Variants in LINGO2 observed in about 807,000 individuals in gnomAD.
LINGO2 encodes the protein leucine rich repeat and Ig domain containing 2.
LINGO2 carries 14 observed loss-of-function variants against 30.6 expected under a neutral mutation model. That is an observed-to-expected ratio of 0.46 (90% CI 0.30 to 0.72). LINGO2 has a LOEUF of 0.72. Ranked by LOEUF, LINGO2 falls within the 30% of genes least tolerant of loss-of-function variation. LINGO2 has a pLI of 0.07. For synonymous variants in LINGO2, 317 were observed against 288.5 expected (o/e 1.10, Z -1.00); for missense variants, 729 against 751.7 (o/e 0.97, Z 0.35).
At chr9:28,575,419 AC>A (rs1415606155) in intron 1 of LINGO2, among the ~76,000 whole-genome samples, 4 of 151,786 alleles carry the variant, frequency 2.6e-5, no homozygotes, top group Non-Finnish European at 2.9e-5. Context: ...AACAAAAAAA[AC>A]AAAAAACAAC....
intron 4 of LINGO2, among the ~76,000 whole-genome samples, chr9:28,061,579 GAAAT>G (rs1825146271): frequency 6.6e-6 from 1 of 151,840 alleles, no homozygotes. Flanking sequence ...AAAAGTAAAT[GAAAT>G]AAAAGGAAAA....
the LINGO2 span, among the ~76,000 whole-genome samples, chr9:28,739,404 C>T: frequency 6.6e-6 from 1 of 151,704 alleles, no homozygotes; most frequent in Non-Finnish European, 1.5e-5. Context: ...AGCCAAAAAG[C>T]TATTTGGAAT....
At chr9:28,290,127 G>C (rs1823666099) in intron 4 of LINGO2, among the ~76,000 whole-genome samples, 1 of 152,140 alleles carries the variant, frequency 6.6e-6, no homozygotes, top group African/African-American at 2.4e-5. Flanking sequence ...CCAAAGCTGA[G>C]AGAAGTTAAG....
At chr9:28,849,844 T>C in the LINGO2 span, among the ~76,000 whole-genome samples, 101 of 152,174 alleles carry the variant, frequency 6.6e-4, no homozygotes, top group African/African-American at 2.3e-3. Flanking sequence ...TGGCCTTTTA[T>C]GTTCCCAGAG....
intron 1 of LINGO2, among the ~76,000 whole-genome samples, chr9:28,563,321 C>T (rs1409271971): frequency 6.6e-6 from 1 of 152,054 alleles, no homozygotes; most frequent in Non-Finnish European, 1.5e-5. Context: ...AAATTAAAAT[C>T]GGGTACTTAC....
At chr9:28,842,395 G>T in the LINGO2 span, among the ~76,000 whole-genome samples, 2 of 151,852 alleles carry the variant, frequency 1.3e-5, no homozygotes, top group African/African-American at 2.4e-5. Flanking sequence ...GTGCAACAAG[G>T]TTTCTTCATT....
At chr9:28,651,674 T>A (rs1048049681) in intron 1 of LINGO2, among the ~76,000 whole-genome samples, 1 of 151,274 alleles carries the variant, frequency 6.6e-6, no homozygotes, top group Non-Finnish European at 1.5e-5. Context: ...ACTTGTTATT[T>A]AAAAAAAAAC....
intron 2 of LINGO2, among the ~76,000 whole-genome samples, chr9:28,447,744 T>G (rs1005662265): frequency 1.5e-4 from 23 of 152,206 alleles, no homozygotes; most frequent in African/African-American, 4.8e-4. Flanking sequence ...GAGAACTATA[T>G]ATGTTGTCAA....
At chr9:28,689,362 A>G in the LINGO2 span, among the ~76,000 whole-genome samples, 3 of 152,164 alleles carry the variant, frequency 2.0e-5, no homozygotes, top group African/African-American at 7.2e-5. Flanking sequence ...GCCTCCAGGT[A>G]AAAAACAAAC....
intron 2 of LINGO2, among the ~76,000 whole-genome samples, chr9:28,465,576 C>A (rs533769606): frequency 9.9e-5 from 15 of 152,126 alleles, no homozygotes; most frequent in African/African-American, 3.6e-4. Context: ...GGGACTCCGC[C>A]CTCTTTTACC....
chr9:29,049,650 C>T, the LINGO2 span, among the ~76,000 whole-genome samples: 26 of 152,240 alleles, frequency 1.7e-4, 1 homozygote, highest in Admixed American at 1.6e-3. Context: ...TTTGCAACAA[C>T]ATGGATGGAA....
At chr9:28,357,571 T>A (rs2044916636) in intron 3 of LINGO2, among the ~76,000 whole-genome samples, 1 of 152,106 alleles carries the variant, frequency 6.6e-6, no homozygotes, top group Admixed American at 6.6e-5. Context: ...AACCATATAG[T>A]ATAAGCAAGA....
At chr9:29,170,998 A>G in the LINGO2 span, among the ~76,000 whole-genome samples, 1 of 152,070 alleles carries the variant, frequency 6.6e-6, no homozygotes, top group Non-Finnish European at 1.5e-5. Flanking sequence ...AATGTTAATA[A>G]TCCTTTTCTT....
intron 1 of LINGO2, among the ~76,000 whole-genome samples, chr9:28,482,929 G>A (rs576117052): frequency 3.3e-5 from 5 of 152,112 alleles, no homozygotes; most frequent in East Asian, 1.9e-4. Flanking sequence ...CAGGACATAC[G>A]CATAGACACA....
chr9:29,000,841 A>G, the LINGO2 span, among the ~76,000 whole-genome samples: 8 of 151,984 alleles, frequency 5.3e-5, no homozygotes, highest in Non-Finnish European at 1.0e-4. Context: ...AGGAATATTC[A>G]CAGGAGGACA....
the LINGO2 span, among the ~76,000 whole-genome samples, chr9:29,207,106 G>T: frequency 2.6e-5 from 4 of 151,054 alleles, no homozygotes; most frequent in African/African-American, 9.7e-5. Flanking sequence ...CCCTATGTAT[G>T]CATATGCTGT....
chr9:29,123,871 C>T, the LINGO2 span, among the ~76,000 whole-genome samples: 1 of 152,024 alleles, frequency 6.6e-6, no homozygotes, highest in Non-Finnish European at 1.5e-5. Flanking sequence ...AAATGAGATA[C>T]ATGTATTGTT....
intron 4 of LINGO2, among the ~76,000 whole-genome samples, chr9:28,036,693 G>A (rs1823953017): frequency 6.6e-6 from 1 of 152,188 alleles, no homozygotes; most frequent in Non-Finnish European, 1.5e-5. Context: ...TGATTCAATG[G>A]AGGACAGTAG....
At chr9:28,883,802 C>T in the LINGO2 span, among the ~76,000 whole-genome samples, 1 of 149,944 alleles carries the variant, frequency 6.7e-6, no homozygotes, top group Non-Finnish European at 1.5e-5. Flanking sequence ...CTCAGCCTCC[C>T]GAGTAGCTGG....
Sources: gnomAD v4.1 joint callset for allele counts (sites outside exome capture counted in the v4.1 genomes callset) on GRCh38, gnomAD v4.1.1 for gene constraint, MANE v1.5 for transcripts, NCBI Gene and HGNC (gene_info 2026-07-23, HGNC 2026-07-21) for gene names.